Variants in DLEU7 observed in about 807,000 individuals in gnomAD.
DLEU7 encodes the protein deleted in lymphocytic leukemia 7.
In DLEU7, 17 loss-of-function variants were observed where a neutral mutation model predicts 16.0. The observed-to-expected ratio is 1.06, with a 90% CI of 0.73 to 1.59. DLEU7 has a LOEUF of 1.59. DLEU7 is among the 40% of genes most tolerant of loss of function. The probability of loss-of-function intolerance (pLI) is 0.00; values close to 1 mark genes in which losing one functional copy is unlikely to be tolerated. For synonymous variants in DLEU7, 113 were observed against 139.8 expected (o/e 0.81, Z 1.35); for missense variants, 308 against 314.9 (o/e 0.98, Z 0.17).
At chr13:50,770,560 G>A (rs1875269608) in intron 1 of DLEU7, among the ~76,000 whole-genome samples, 1 of 152,104 alleles carries the variant, frequency 6.6e-6, no homozygotes, top group East Asian at 1.9e-4. Flanking sequence ...TTCTATTTAT[G>A]TCATAGATTA....
At chr13:50,746,126 G>A (rs2137729089) in intron 1 of DLEU7, among the ~76,000 whole-genome samples, 1 of 152,260 alleles carries the variant, frequency 6.6e-6, no homozygotes, top group Admixed American at 6.5e-5. Flanking sequence ...TACTTCCTAA[G>A]GTCTTTAGCA....
chr13:50,814,792 C>A lies in DLEU7; in HGVS notation c.459+28396G>T, dbSNP rs182077494. On this transcript the variant is annotated intron_variant, in intron 1 of 1. Coordinates refer to the DLEU7 transcript ENST00000400393. ...TGTGTGTGTGTGTGTGTGTGTAGTT[C>A]TATGCAATTTAATCCTGTGTATGTA... Among the ~76,000 whole-genome samples the A allele has an allele frequency of 4.4e-3, 371 of 84,402 alleles. 1 individual carries two copies. The highest frequency in any genetic ancestry group is 0.014 in the African/African-American group (343 of 24,722). The allele number at this position is 84,402 out of a possible 152,430, so 55.4% of individuals were successfully genotyped here.
At position 50,815,704 on chromosome 13, in the gene DLEU7, A is replaced by C. The variant is rs569263431; in HGVS notation, c.459+27484T>G. The stretch of plus-strand genomic sequence containing the variant: ...TGTCCCACAGGCCCACTTATGGTGC[A>C]TGTGAATTTGTGAATGTTTTGTGAT... On this transcript the variant is annotated intron_variant, in intron 1 of 1. Coordinates refer to the DLEU7 transcript ENST00000400393. Among the ~76,000 whole-genome samples the C allele has an allele frequency of 3.3e-5, 5 of 152,248 alleles. No individual in the cohort carries two copies. In the South Asian group the frequency reaches 8.3e-4, roughly 25 times the overall value.
intron 1 of DLEU7, among the ~76,000 whole-genome samples, chr13:50,756,211 A>G (rs1464178818): frequency 6.6e-6 from 1 of 152,180 alleles, no homozygotes; most frequent in Non-Finnish European, 1.5e-5. Flanking sequence ...AGGAGGTGGC[A>G]CTTTCCAGAG....
intron 1 of DLEU7, among the ~76,000 whole-genome samples, chr13:50,799,953 A>G (rs566428261): frequency 6.6e-6 from 1 of 152,356 alleles, no homozygotes; most frequent in African/African-American, 2.4e-5. Flanking sequence ...TGTAGACACT[A>G]TCAAACTGTA....
At chr13:50,743,481 A>G (rs1323680907) in intron 1 of DLEU7, among the ~76,000 whole-genome samples, 1 of 152,186 alleles carries the variant, frequency 6.6e-6, no homozygotes, top group Non-Finnish European at 1.5e-5. Flanking sequence ...GGTCTTGAGC[A>G]TGTCGCTCAA....
At chr13:50,843,878 G>A (rs1464689082), upstream of DLEU7, 1 of 523,808 alleles carries the variant, frequency 1.9e-6, no homozygotes, top group Non-Finnish European at 3.3e-6. This position sits in a 1 kb window ranked among gnomAD's most constrained non-coding sequence, Gnocchi z 5.7. Flanking sequence ...TGCCTGAAGC[G>A]CTGCTCGGTG....
At chr13:50,800,207 A>G (rs569002655) in intron 1 of DLEU7, among the ~76,000 whole-genome samples, 7 of 152,336 alleles carry the variant, frequency 4.6e-5, no homozygotes, top group African/African-American at 1.7e-4. Context: ...AGCTCATGGT[A>G]TGAAAAGGAC....
intron 1 of DLEU7, among the ~76,000 whole-genome samples, chr13:50,771,868 A>C (rs904716879): frequency 6.6e-6 from 1 of 152,150 alleles, no homozygotes; most frequent in African/African-American, 2.4e-5. Context: ...GTGGGGTATT[A>C]AAGTCTCTCA....
rs537116768 is a variant in DLEU7 at position 50,735,890 on chromosome 13, C to T, written c.460-22650G>A. Among the ~76,000 whole-genome samples the T allele has an allele frequency of 3.9e-5, 6 of 152,250 alleles. No individual in the cohort carries two copies. The East Asian group carries it at 1.2e-3, about 29-fold the overall frequency. ...GCAAGGTTGCAGAGAAAAAGGAATG[C>T]TTCTACACTGTTGGTGGGAGTGTAA... is the stretch of plus-strand genomic sequence containing the variant. On this transcript the variant is annotated intron_variant, in intron 1 of 1. Transcript: ENST00000400393.
chr13:50,800,843 T>G (rs1355891442), intron 1 of DLEU7, among the ~76,000 whole-genome samples: 1 of 152,152 alleles, frequency 6.6e-6, no homozygotes, highest in Non-Finnish European at 1.5e-5. Flanking sequence ...CTTGGACTTT[T>G]CTGTCTCCTT....
At chr13:50,841,590 T>C (rs1036802931) in intron 1 of DLEU7, among the ~76,000 whole-genome samples, 1 of 152,024 alleles carries the variant, frequency 6.6e-6, no homozygotes, top group Non-Finnish European at 1.5e-5. Context: ...ATCAGCCAGA[T>C]GTGGTGGTAC....
intron 1 of DLEU7, among the ~76,000 whole-genome samples, chr13:50,720,734 T>C (rs990604174): frequency 6.6e-6 from 1 of 152,112 alleles, no homozygotes; most frequent in African/African-American, 2.4e-5. Flanking sequence ...TAATTTGACA[T>C]GATAAACTTT....
At chr13:50,714,601 C>A (rs1873386618) in intron 1 of DLEU7, among the ~76,000 whole-genome samples, 1 of 152,116 alleles carries the variant, frequency 6.6e-6, no homozygotes, top group South Asian at 2.1e-4. Context: ...ACCCTGAAAC[C>A]ATCGCTCAAA....
intron 1 of DLEU7, among the ~76,000 whole-genome samples, chr13:50,760,335 T>A (rs988073330): frequency 5.3e-5 from 8 of 152,284 alleles, no homozygotes; most frequent in Middle Eastern, 6.8e-3. Flanking sequence ...TTTAAGCACT[T>A]CAGTATTCTT....
At chr13:50,769,309 A>C (rs1230421862) in intron 1 of DLEU7, among the ~76,000 whole-genome samples, 1 of 152,040 alleles carries the variant, frequency 6.6e-6, no homozygotes, top group African/African-American at 2.4e-5. Context: ...CTATTTGTCT[A>C]TTTTAGCTTT....
chr13:50,831,720 C>A (rs1877272418), intron 1 of DLEU7, among the ~76,000 whole-genome samples: 1 of 152,174 alleles, frequency 6.6e-6, no homozygotes, highest in Admixed American at 6.6e-5. Context: ...ACTCAGTGCT[C>A]ACCACAATCC....
chr13:50,720,368 A>G (rs1286204193), intron 1 of DLEU7, among the ~76,000 whole-genome samples: 1 of 152,200 alleles, frequency 6.6e-6, no homozygotes, highest in Non-Finnish European at 1.5e-5. Flanking sequence ...GGCTCTTGCA[A>G]GCCTAATGAC....
At chr13:50,711,825 C>T (rs1873302016), downstream of DLEU7, 1 of 146,766 alleles carries the variant, frequency 6.8e-6, no homozygotes, top group South Asian at 2.2e-4. Context: ...GGCTCTGGAG[C>T]ATCAGAATCA....
Sources: allele counts gnomAD v4.1 joint callset (sites outside exome capture counted in the v4.1 genomes callset), GRCh38; gene constraint gnomAD v4.1.1; non-coding constraint Gnocchi (gnomAD v3.1); transcripts MANE v1.5; gene names NCBI Gene and HGNC (gene_info 2026-07-23, HGNC 2026-07-21).